The following STK3 variants were observed in gnomAD, a reference collection of about 807,000 sequenced individuals.
The protein encoded by STK3 is serine/threonine-protein kinase 3.
In STK3, 41 loss-of-function variants were observed where a neutral mutation model predicts 58.0. That is an observed-to-expected ratio of 0.71 (90% CI 0.55 to 0.92). STK3 has a LOEUF of 0.92. Among genes scored for constraint, STK3 ranks in the 40% least tolerant of loss-of-function variants. The pLI is 0.00. For synonymous variants in STK3, 170 were observed against 191.0 expected, an observed-to-expected ratio of 0.89 and a Z score of 0.91; for missense variants, 479 against 602.7, an observed-to-expected ratio of 0.79 and a Z score of 2.15.
intron 1 of STK3, among the ~76,000 whole-genome samples, chr8:98,908,043 A>G (rs1838984419): frequency 6.6e-6 from 1 of 152,192 alleles, no homozygotes; most frequent in Admixed American, 6.5e-5. Flanking sequence ...ACTTTATCAC[A>G]TTCACATTCT....
chr8:98,534,457 C>T (rs907237340), intron 9 of STK3, among the ~76,000 whole-genome samples: 1 of 152,114 alleles, frequency 6.6e-6, no homozygotes, highest in Non-Finnish European at 1.5e-5. Context: ...CCTGTCATAA[C>T]AGACTTTACA....
chr8:98,854,729 A>G (rs889244682), intron 3 of STK3, among the ~76,000 whole-genome samples: 2 of 152,214 alleles, frequency 1.3e-5, no homozygotes, highest in African/African-American at 4.8e-5. Flanking sequence ...TCCCATGTTC[A>G]TGGATCAAAA....
chr8:98,550,177 T>G (rs1206318521), intron 8 of STK3, among the ~76,000 whole-genome samples: 1 of 152,156 alleles, frequency 6.6e-6, no homozygotes, highest in Non-Finnish European at 1.5e-5. Flanking sequence ...CAACTTGGGT[T>G]GTATAATATA....
At chr8:98,713,979 C>T (rs574191024) in intron 4 of STK3, among the ~76,000 whole-genome samples, 26 of 152,210 alleles carry the variant, frequency 1.7e-4, no homozygotes, top group Middle Eastern at 3.4e-3. Flanking sequence ...GTTCAACATA[C>T]GCAAATGAAT....
At chr8:98,935,414 T>C (rs1840161067) in intron 1 of STK3, among the ~76,000 whole-genome samples, 1 of 152,244 alleles carries the variant, frequency 6.6e-6, no homozygotes, top group South Asian at 2.1e-4. Flanking sequence ...TACACACAGC[T>C]CAATTGTATT....
chr8:98,373,486 C>G (rs1315511591), intron 2 of STK3, among the ~76,000 whole-genome samples: 3 of 152,138 alleles, frequency 2.0e-5, no homozygotes. Flanking sequence ...GGGCATTGAG[C>G]TAAATGTTCT....
At chr8:98,655,425 G>T (rs1218601728) in intron 6 of STK3, among the ~76,000 whole-genome samples, 1 of 152,150 alleles carries the variant, frequency 6.6e-6, no homozygotes, top group Non-Finnish European at 1.5e-5. Context: ...ATAGGCATGG[G>T]CAAGGACTTC....
intron 1 of STK3, among the ~76,000 whole-genome samples, chr8:98,798,543 C>A (rs1405489234): frequency 6.6e-6 from 1 of 152,184 alleles, no homozygotes; most frequent in Non-Finnish European, 1.5e-5. Flanking sequence ...CCACAAAGTA[C>A]CTCTCCTGGA....
chr8:98,766,331 T>C (rs1017892225), intron 3 of STK3, among the ~76,000 whole-genome samples: 13 of 152,244 alleles, frequency 8.5e-5, no homozygotes, highest in Non-Finnish European at 1.9e-4. Flanking sequence ...TCAGTGAATG[T>C]TGAATGAATT....
chr8:98,772,190 T>C (rs948225738), intron 2 of STK3, among the ~76,000 whole-genome samples: 1 of 152,226 alleles, frequency 6.6e-6, no homozygotes, highest in Non-Finnish European at 1.5e-5. Flanking sequence ...CTAGTTGGTG[T>C]GGATTTTGTC....
At chr8:98,453,293 T>G (rs941908699), downstream of STK3, among the ~76,000 whole-genome samples, 19 of 151,512 alleles carry the variant, frequency 1.3e-4, no homozygotes, top group Middle Eastern at 3.4e-3. Flanking sequence ...TTCACCATAT[T>G]AGTCAGGCTG....
intron 1 of STK3, among the ~76,000 whole-genome samples, chr8:98,897,328 C>T (rs1838490273): frequency 6.6e-6 from 1 of 152,104 alleles, no homozygotes; most frequent in Non-Finnish European, 1.5e-5. Flanking sequence ...GAGGTGGAGG[C>T]GGGCGGATCA....
intron 3 of STK3, among the ~76,000 whole-genome samples, chr8:98,755,837 C>T (rs1830254753): frequency 6.6e-6 from 1 of 152,128 alleles, no homozygotes; most frequent in Admixed American, 6.5e-5. Flanking sequence ...GCTCTCTTCT[C>T]CTATATACAA....
chr8:98,473,852 C>T (rs1047293178), intron 10 of STK3, among the ~76,000 whole-genome samples: 5 of 152,124 alleles, frequency 3.3e-5, no homozygotes, highest in African/African-American at 1.2e-4. Context: ...TTACTATATA[C>T]TCCATTTCCT....
At chr8:98,904,546 T>C (rs753694601) in intron 1 of STK3, 16 of 496,834 alleles carry the variant, frequency 3.2e-5, no homozygotes, top group Middle Eastern at 3.2e-4. Flanking sequence ...CAAGTTCTCA[T>C]ATATGCCCGC....
intron 8 of STK3, among the ~76,000 whole-genome samples, chr8:98,556,048 C>G (rs993230669): frequency 2.6e-5 from 4 of 151,976 alleles, no homozygotes; most frequent in African/African-American, 9.7e-5. Flanking sequence ...AAACAATTTA[C>G]CCAGTGGCAA....
chr8:98,799,321 A>G (rs561108720), intron 1 of STK3, among the ~76,000 whole-genome samples: 75 of 152,156 alleles, frequency 4.9e-4, no homozygotes, highest in Non-Finnish European at 8.7e-4. Context: ...ACAGCAGCAT[A>G]AGCTGCTGGC....
intron 6 of STK3, among the ~76,000 whole-genome samples, chr8:98,666,404 T>C (rs1822372279): frequency 6.6e-6 from 1 of 152,220 alleles, no homozygotes; most frequent in South Asian, 2.1e-4. Context: ...TTACTTGTAA[T>C]AGATGTTAAA....
At chr8:98,443,140 A>T (rs761764201) in intron 1 of STK3, among the ~76,000 whole-genome samples, 1 of 152,222 alleles carries the variant, frequency 6.6e-6, no homozygotes, top group Admixed American at 6.5e-5. Context: ...ATTCCATAAG[A>T]CAATAGAGAA....
Sources: allele counts gnomAD v4.1 joint callset (sites outside exome capture counted in the v4.1 genomes callset), GRCh38; gene constraint gnomAD v4.1.1; transcripts MANE v1.5; gene names NCBI Gene and HGNC (gene_info 2026-07-23, HGNC 2026-07-21).